The following TAOK3 variants were observed in gnomAD, a reference collection of about 807,000 sequenced individuals.
The protein encoded by TAOK3 is serine/threonine-protein kinase TAO3.
Under a neutral mutation model 120.4 loss-of-function variants are expected in TAOK3, and 40 were observed. That is an observed-to-expected ratio of 0.33 (90% CI 0.26 to 0.43). The LOEUF (loss-of-function observed/expected upper bound fraction) is 0.43. Among genes scored for constraint, TAOK3 ranks in the 20% least tolerant of loss-of-function variants. The probability of loss-of-function intolerance (pLI) is 1.00; values close to 1 mark genes in which losing one functional copy is unlikely to be tolerated. For missense variants in TAOK3, 821 were observed against 1,112.1 expected (o/e 0.74, Z 3.72); for synonymous variants, 355 against 387.5 (o/e 0.92, Z 0.99).
At chr12:118,197,296 C>G (rs1433228797) in intron 13 of TAOK3, among the ~76,000 whole-genome samples, 1 of 151,988 alleles carries the variant, frequency 6.6e-6, no homozygotes, top group Non-Finnish European at 1.5e-5. Flanking sequence ...TCTTCCTGAC[C>G]TATATATTTT....
chr12:118,215,843 T>G (rs1031833909), intron 9 of TAOK3, among the ~76,000 whole-genome samples: 31 of 152,022 alleles, frequency 2.0e-4, no homozygotes, highest in Non-Finnish European at 3.4e-4. Context: ...CTCAACCTCT[T>G]GAGTAGCTGA....
chr12:118,257,429 G>A lies in TAOK3; in HGVS notation c.-88-1774C>T, dbSNP rs996589599. On this transcript the variant is annotated intron_variant, in intron 2 of 20. Transcript: ENST00000392533. ...TAGTTACATAAATTTATTTGATGTA[G>A]ATTCTTTTTTATTTTTTGAAAAATA... is the stretch of plus-strand genomic sequence containing the variant. Among the ~76,000 whole-genome samples, 5 of 152,020 alleles carry A rather than the reference G, an allele frequency of 3.3e-5. No individual in the cohort carries two copies. In the East Asian group the frequency reaches 5.8e-4, roughly 18 times the overall value.
intron 1 of TAOK3, among the ~76,000 whole-genome samples, chr12:118,352,306 C>G (rs1052857200): frequency 6.6e-6 from 1 of 151,896 alleles, no homozygotes; most frequent in Non-Finnish European, 1.5e-5. Context: ...GTGTTCGACA[C>G]CAGCCTGACC....
At chr12:118,281,636 T>C (rs1325848746) in intron 1 of TAOK3, among the ~76,000 whole-genome samples, 1 of 151,476 alleles carries the variant, frequency 6.6e-6, no homozygotes, top group African/African-American at 2.4e-5. Flanking sequence ...AGTACAAAAA[T>C]AGCCGGGGGT....
chr12:118,163,959 G>A (rs1330701414), intron 17 of TAOK3, among the ~76,000 whole-genome samples: 5 of 151,916 alleles, frequency 3.3e-5, no homozygotes, highest in Admixed American at 2.6e-4. Flanking sequence ...TGATCTGCCC[G>A]CCTTGGCCTC....
rs2038712370 is a variant in TAOK3, at chr12:118,213,102, T to A, written c.738-107A>T. On this transcript the variant is annotated intron_variant, in intron 10 of 20. Coordinates refer to ENST00000392533, the MANE Select transcript of TAOK3 (RefSeq NM_016281.4). ...GAAAATTTTGCATTTAAGGAGATTT[T>A]AAAAAAATGCTTTGGAATATCAGGA... The A allele has an allele frequency of 6.6e-6, 4 of 607,080 alleles. No homozygotes were observed. The South Asian group carries it at 1.1e-4, about 17-fold the overall frequency. 37.6% of individuals were successfully genotyped at this position (607,080 alleles called of 1,614,324 possible).
Position 118,255,408 on chromosome 12 carries a change from C to T in TAOK3, c.120+40G>A, listed in dbSNP as rs1468859093. The T allele has an allele frequency of 1.9e-6, 3 of 1,608,206 alleles. No individual in the cohort carries two copies. The East Asian group carries it at 6.7e-5, about 36-fold the overall frequency. On this transcript the variant is annotated intron_variant, in intron 3 of 20. Coordinates refer to ENST00000392533, the MANE Select transcript of TAOK3 (RefSeq NM_016281.4). Reference sequence around the variant, plus strand: ...GTGCCAGGCCTAGAGTCCAACCTTTCTTAATCTGATCTATCTAAAAGACTC... The same window carrying T: ...GTGCCAGGCCTAGAGTCCAACCTTTTTTAATCTGATCTATCTAAAAGACTC...
At chr12:118,259,494 C>A (rs1406481313) in intron 2 of TAOK3, among the ~76,000 whole-genome samples, 1 of 152,118 alleles carries the variant, frequency 6.6e-6, no homozygotes, top group Non-Finnish European at 1.5e-5. Context: ...GAGTCAAAAT[C>A]ATGCCACTGC....
intron 1 of TAOK3, among the ~76,000 whole-genome samples, chr12:118,275,289 C>T (rs2041865984): frequency 6.6e-6 from 1 of 152,064 alleles, no homozygotes; most frequent in Admixed American, 6.6e-5. Context: ...CAGGCGTGTG[C>T]CACCATGCCC....
chr12:118,309,492 C>T (rs1470459248), intron 1 of TAOK3, among the ~76,000 whole-genome samples: 4 of 151,778 alleles, frequency 2.6e-5, no homozygotes, highest in East Asian at 3.9e-4. Flanking sequence ...TCTACCCTCC[C>T]TTCTTGGCTC....
At chr12:118,305,892 G>A (rs907587850) in intron 1 of TAOK3, among the ~76,000 whole-genome samples, 6 of 138,440 alleles carry the variant, frequency 4.3e-5, no homozygotes, top group African/African-American at 1.6e-4. Flanking sequence ...AACAGCAAAC[G>A]AGACTCCGTC....
intron 1 of TAOK3, among the ~76,000 whole-genome samples, chr12:118,267,069 C>T (rs553057197): frequency 2.8e-4 from 43 of 152,216 alleles, no homozygotes; most frequent in African/African-American, 1.0e-3. Context: ...TCTGACAGCA[C>T]GCGGTAATGC....
intron 1 of TAOK3, among the ~76,000 whole-genome samples, chr12:118,332,351 T>C (rs1003822579): frequency 2.6e-5 from 4 of 152,216 alleles, no homozygotes; most frequent in Non-Finnish European, 5.9e-5. Context: ...AGCTATCTTT[T>C]CTCAGATACT....
chr12:118,296,161 C>T (rs1196988374), intron 1 of TAOK3, among the ~76,000 whole-genome samples: 1 of 152,052 alleles, frequency 6.6e-6, no homozygotes, highest in African/African-American at 2.4e-5. Context: ...TGTGGGACTT[C>T]TCTGATTTTT....
intron 1 of TAOK3, among the ~76,000 whole-genome samples, chr12:118,370,979 G>A (rs2045876457): frequency 1.3e-5 from 2 of 152,238 alleles, no homozygotes; most frequent in Admixed American, 1.3e-4. Context: ...TTAGTTTTGC[G>A]ACTCCAAAAC....
chr12:118,158,999 C>A (rs1051455019), intron 19 of TAOK3, among the ~76,000 whole-genome samples: 1 of 152,158 alleles, frequency 6.6e-6, no homozygotes, highest in Non-Finnish European at 1.5e-5. Flanking sequence ...CTCTTTAAGA[C>A]TCATCTCCTT....
At chr12:118,217,936 C>T (rs2139584128) in intron 9 of TAOK3, among the ~76,000 whole-genome samples, 1 of 142,428 alleles carries the variant, frequency 7.0e-6, no homozygotes, top group East Asian at 2.2e-4. Context: ...TCTAGGCTCA[C>T]TGCAACCTCT....
intron 17 of TAOK3, among the ~76,000 whole-genome samples, chr12:118,163,321 C>T (rs1349973232): frequency 1.3e-5 from 2 of 152,014 alleles, no homozygotes; most frequent in Non-Finnish European, 2.9e-5. Context: ...TACTGCTATT[C>T]GATTTTATAA....
chr12:118,317,963 A>T (rs1385027867), intron 1 of TAOK3, among the ~76,000 whole-genome samples: 1 of 152,104 alleles, frequency 6.6e-6, no homozygotes, highest in Non-Finnish European at 1.5e-5. Context: ...AGAAATAAAC[A>T]TTCATATCTA....
Sources: allele counts gnomAD v4.1 joint callset (sites outside exome capture counted in the v4.1 genomes callset), GRCh38; gene constraint gnomAD v4.1.1; transcripts MANE v1.5; gene names NCBI Gene and HGNC (gene_info 2026-07-23, HGNC 2026-07-21).